The following RASEF variants were observed in gnomAD, a reference collection of about 807,000 sequenced individuals.
RASEF encodes the protein ras and EF-hand domain-containing protein.
A neutral mutation model predicts 90.1 loss-of-function variants in RASEF; 68 were observed. The observed-to-expected ratio is 0.75, with a 90% CI of 0.62 to 0.92. RASEF has a LOEUF of 0.92. RASEF is among the 40% of genes least tolerant of loss of function. The probability of loss-of-function intolerance (pLI) is 0.00; values close to 1 mark genes in which losing one functional copy is unlikely to be tolerated. For missense variants in RASEF, 949 were observed against 937.2 expected, an observed-to-expected ratio of 1.01 and a Z score of -0.16; for synonymous variants, 331 against 345.2, an observed-to-expected ratio of 0.96 and a Z score of 0.46.
At chr9:83,070,845 G>A in the RASEF span, among the ~76,000 whole-genome samples, 1 of 152,190 alleles carries the variant, frequency 6.6e-6, no homozygotes, top group African/African-American at 2.4e-5. Context: ...CACATATTTT[G>A]TTAAATTTAT....
At chr9:83,041,874 T>C (rs1162163207) in intron 1 of RASEF, among the ~76,000 whole-genome samples, 1 of 152,130 alleles carries the variant, frequency 6.6e-6, no homozygotes, top group Admixed American at 6.6e-5. Flanking sequence ...AAAGCCACAG[T>C]TCACTAAAAG....
chr9:83,214,798 G>A, the RASEF span, among the ~76,000 whole-genome samples: 1 of 151,964 alleles, frequency 6.6e-6, no homozygotes, highest in Non-Finnish European at 1.5e-5. Flanking sequence ...GGCCTCCCCA[G>A]CCATGTAGAA....
At chr9:83,009,601 T>C (rs1279782305) in intron 6 of RASEF, 40 bp downstream of exon 6, 1 of 1,204,498 alleles carries the variant, frequency 8.3e-7, no homozygotes, top group East Asian at 2.3e-5. Flanking sequence ...ATCATCTCAA[T>C]ATTCTACTCA....
At chr9:83,085,837 A>C in the RASEF span, among the ~76,000 whole-genome samples, 1 of 152,126 alleles carries the variant, frequency 6.6e-6, no homozygotes, top group Non-Finnish European at 1.5e-5. Flanking sequence ...AGACAGAAGA[A>C]TCGCTGGAAT....
chr9:83,174,433 T>C, the RASEF span, among the ~76,000 whole-genome samples: 1 of 152,164 alleles, frequency 6.6e-6, no homozygotes, highest in Non-Finnish European at 1.5e-5. Flanking sequence ...ATTAATACTC[T>C]TGTAAAGCAT....
intron 9 of RASEF, among the ~76,000 whole-genome samples, chr9:83,003,732 T>A (rs2118460028): frequency 6.6e-6 from 1 of 152,326 alleles, no homozygotes; most frequent in African/African-American, 2.4e-5. Context: ...AGTACATTAT[T>A]CTTTTTATCA....
intron 15 of RASEF, 147 bp downstream of exon 15, chr9:82,992,759 T>G: frequency 1.4e-6 from 1 of 709,946 alleles, no homozygotes; most frequent in Non-Finnish European, 2.4e-6. Context: ...TCATGGCAGT[T>G]TTGCCTGTGT....
the RASEF span, among the ~76,000 whole-genome samples, chr9:83,192,423 T>C: frequency 9.0e-3 from 1,376 of 152,264 alleles, 22 homozygotes; most frequent in African/African-American, 0.032. Context: ...GATGCAGCCA[T>C]AGGCCATTAT....
intron 14 of RASEF, among the ~76,000 whole-genome samples, chr9:82,994,314 C>T (rs1828867654): frequency 6.6e-6 from 1 of 152,162 alleles, no homozygotes; most frequent in South Asian, 2.1e-4. Context: ...ATATTCATTT[C>T]AGTAAGCCCA....
chr9:83,045,769 GC>G (rs1829917413), intron 1 of RASEF, among the ~76,000 whole-genome samples: 1 of 152,174 alleles, frequency 6.6e-6, no homozygotes, highest in South Asian at 2.1e-4. Flanking sequence ...AATGAAGTAT[GC>G]TAAAGCAGAA....
At chr9:83,084,367 A>G in the RASEF span, among the ~76,000 whole-genome samples, 2 of 152,220 alleles carry the variant, frequency 1.3e-5, no homozygotes, top group Non-Finnish European at 2.9e-5. Context: ...AATGTTATAT[A>G]GCTTCTTATA....
chr9:83,139,378 A>C, the RASEF span, among the ~76,000 whole-genome samples: 6 of 152,250 alleles, frequency 3.9e-5, no homozygotes, highest in South Asian at 1.2e-3. Flanking sequence ...AACTCCCTAA[A>C]AACTTAACTA....
the RASEF span, among the ~76,000 whole-genome samples, chr9:83,095,950 C>A: frequency 6.6e-6 from 1 of 152,176 alleles, no homozygotes; most frequent in Non-Finnish European, 1.5e-5. Context: ...GAGCTGGTGA[C>A]AGCTCCATGC....
At chr9:83,064,227 A>G (rs893205836), upstream of RASEF, among the ~76,000 whole-genome samples, 2 of 152,242 alleles carry the variant, frequency 1.3e-5, no homozygotes, top group African/African-American at 4.8e-5. Context: ...TACAATAAAC[A>G]TGGTCAACAC....
chr9:83,198,127 T>C, the RASEF span, among the ~76,000 whole-genome samples: 1 of 151,976 alleles, frequency 6.6e-6, no homozygotes, highest in South Asian at 2.1e-4. Flanking sequence ...AGACCGCAGC[T>C]CATTAGTCCT....
the RASEF span, among the ~76,000 whole-genome samples, chr9:83,185,294 A>G: frequency 6.6e-6 from 1 of 151,492 alleles, no homozygotes; most frequent in African/African-American, 2.4e-5. Flanking sequence ...TCCTTTATAC[A>G]TGTCAGAGGT....
At chr9:83,049,529 C>CTTTTTTTTT (rs10687615) in intron 1 of RASEF, among the ~76,000 whole-genome samples, 270 of 99,026 alleles carry the variant, frequency 2.7e-3, no homozygotes, top group Non-Finnish European at 3.1e-3. Context: ...TTCTGCCTTC[C>CTTTTTTTTT]TTTTTTTTTT....
the RASEF span, among the ~76,000 whole-genome samples, chr9:83,094,574 G>A: frequency 1.3e-5 from 2 of 151,986 alleles, no homozygotes; most frequent in African/African-American, 2.4e-5. Flanking sequence ...TCAACTCTAG[G>A]AATTTACAGA....
the RASEF span, among the ~76,000 whole-genome samples, chr9:83,099,080 ATC>A: frequency 1.3e-5 from 2 of 152,162 alleles, no homozygotes; most frequent in African/African-American, 4.8e-5. Context: ...CCTGACATCT[ATC>A]TCTGTCTTTC....
Sources: allele counts gnomAD v4.1 joint callset (sites outside exome capture counted in the v4.1 genomes callset), GRCh38; gene constraint gnomAD v4.1.1; transcripts MANE v1.5; gene names NCBI Gene and HGNC (gene_info 2026-07-23, HGNC 2026-07-21).